KANK1: variants seen among roughly 807,000 people sequenced by gnomAD.
The protein encoded by KANK1 is KN motif and ankyrin repeat domains 1, also known as KN motif and ankyrin repeat domain-containing protein 1.
Under a neutral mutation model 106.2 loss-of-function variants are expected in KANK1, and 109 were observed. That is an observed-to-expected ratio of 1.03 (90% CI 0.88 to 1.20). The LOEUF is 1.20. KANK1 is among the 50% of genes most tolerant of loss of function. KANK1 has a pLI of 0.00. For missense variants in KANK1, 2,399 were observed against 1,710.7 expected (o/e 1.40, Z -7.10); for synonymous variants, 873 against 652.2 (o/e 1.34, Z -5.16).
At chr9:678,750 T>C (rs1816904303) in intron 2 of KANK1, among the ~76,000 whole-genome samples, 1 of 152,036 alleles carries the variant, frequency 6.6e-6, no homozygotes, top group African/African-American at 2.4e-5. Flanking sequence ...ATCAGAATTA[T>C]GATGACTTTC....
Position 712,856 on chromosome 9 carries a change from A to G in KANK1, c.2090A>G (p.Asn697Ser), listed in dbSNP as rs146907657. The G allele has an allele frequency of 1.7e-4, 282 of 1,613,832 alleles. No homozygotes were observed. Among genetic ancestry groups the G allele is most frequent in the African/African-American group, 1.5e-3 (112 of 74,934 alleles). Residue 697 changes from asparagine to serine, a missense_variant, in exon 3 of 12, where the codon AAC becomes AGC. Coordinates refer to ENST00000382297, the MANE Select transcript of KANK1 (RefSeq NM_015158.5). ...ETATLIESCT[N>S]TCLSTLDKQT... ...GCCACCCTCATAGAGTCCTGCACCAACACTTGTCTAAGCACTTTGGACAAG... is the reference window on the plus strand; with the variant it reads ...GCCACCCTCATAGAGTCCTGCACCAGCACTTGTCTAAGCACTTTGGACAAG...
chr9:497,891 AAAG>A (rs1193148665), intron 3 of KANK1, among the ~76,000 whole-genome samples: 1 of 152,116 alleles, frequency 6.6e-6, no homozygotes, highest in East Asian at 1.9e-4. Context: ...ACAAGAGTAT[AAAG>A]AAGAAAATTA....
Position 639,099 on chromosome 9 carries a change from T to TC in KANK1, c.-83-37785dup, listed in dbSNP as rs535659579. 3.9e-4 allele frequency among the ~76,000 whole-genome samples: 60 copies of TC among 152,194 alleles called. No individual in the cohort carries two copies. The East Asian group carries it at 8.5e-3, about 22-fold the overall frequency. The stretch of plus-strand genomic sequence containing the variant: ...ATAAAAACACTCTTAGGACATGCTT[T>TC]CCCCCCACACATCTGATTGCTGAAC... On this transcript the variant is annotated intron_variant, in intron 1 of 11. Transcript: ENST00000382297.
intron 2 of KANK1, chr9:684,046 T>G (rs1588889996): frequency 2.3e-6 from 1 of 439,324 alleles, no homozygotes; most frequent in East Asian, 1.7e-4. Context: ...GTGTGGTTAA[T>G]CAGAACCTCA....
intron 1 of KANK1, among the ~76,000 whole-genome samples, chr9:529,234 T>TACAC (rs5895851): frequency 0.013 from 2,003 of 148,764 alleles, 62 homozygotes; most frequent in Admixed American, 0.064. Context: ...TATATATATA[T>TACAC]ACACACACAC....
Position 745,209 on chromosome 9 carries a change from C to G in KANK1, c.4033C>G (p.Pro1345Ala). 1 of 1,614,046 alleles carries G rather than the reference C, an allele frequency of 6.2e-7. No homozygotes were observed. The highest frequency in any genetic ancestry group is 1.1e-5 in the South Asian group (1 of 91,074). Residue 1345 changes from proline (P) to alanine (A), a missense_variant, in exon 12 of 12, where the codon CCC becomes GCC. Transcript: ENST00000382297. ...GCTTGGAAGGAAGACGTCTCCTGGC[C>G]CCACCCACCGAGGTTCATTTGATTG... ...PRLGRKTSPG[P>A]THRGSFD
chr9:565,055 A>AG (rs1491145184), intron 1 of KANK1, among the ~76,000 whole-genome samples: 1 of 152,214 alleles, frequency 6.6e-6, no homozygotes, highest in Non-Finnish European at 1.5e-5. Flanking sequence ...TGGGTAGAGA[A>AG]GAGAGACCAA....
chr9:485,625 C>T (rs1464782013), intron 3 of KANK1, among the ~76,000 whole-genome samples: 1 of 152,146 alleles, frequency 6.6e-6, no homozygotes, highest in African/African-American at 2.4e-5. Context: ...GTAATCCCAA[C>T]ACTTTGAGAG....
chr9:489,275 T>C (rs1185066741), intron 3 of KANK1, among the ~76,000 whole-genome samples: 1 of 152,154 alleles, frequency 6.6e-6, no homozygotes, highest in African/African-American at 2.4e-5. Context: ...GAAAGGCCTT[T>C]CTGATCGTTT....
chr9:707,235 C>T, intron 2 of KANK1: 4 of 986,050 alleles, frequency 4.1e-6, no homozygotes, highest in Non-Finnish European at 4.8e-6. Flanking sequence ...GGGAGCGCGG[C>T]GGGCGCCACG....
At chr9:719,560 G>C (rs1589169116) in intron 3 of KANK1, among the ~76,000 whole-genome samples, 1 of 152,130 alleles carries the variant, frequency 6.6e-6, no homozygotes, top group South Asian at 2.1e-4. Context: ...AGAACAGTTG[G>C]AATAGGTGAA....
chr9:521,720 A>G (rs191823730), intron 1 of KANK1, among the ~76,000 whole-genome samples: 93 of 151,242 alleles, frequency 6.1e-4, no homozygotes, highest in Non-Finnish European at 1.3e-3. Context: ...GGTGTGCGCC[A>G]CCACGCGTGG....
chr9:633,579 G>C (rs1432480240), intron 1 of KANK1, among the ~76,000 whole-genome samples: 3 of 152,180 alleles, frequency 2.0e-5, no homozygotes, highest in African/African-American at 7.2e-5. Context: ...ATTGTATCCA[G>C]ATTCCTGAAC....
intron 1 of KANK1, among the ~76,000 whole-genome samples, chr9:636,046 A>T (rs1295743564): frequency 6.6e-6 from 1 of 151,960 alleles, no homozygotes; most frequent in African/African-American, 2.4e-5. Context: ...TCATAGTTTT[A>T]CTGTTTTTCT....
chr9:508,412 C>A (rs1207892474), intron 1 of KANK1, among the ~76,000 whole-genome samples: 1 of 152,212 alleles, frequency 6.6e-6, no homozygotes, highest in Non-Finnish European at 1.5e-5. Flanking sequence ...GCTGGCATTA[C>A]AGGCGTGAGC....
chr9:561,610 C>G (rs979902649), intron 1 of KANK1, among the ~76,000 whole-genome samples: 1 of 152,208 alleles, frequency 6.6e-6, no homozygotes, highest in African/African-American at 2.4e-5. Context: ...TATTGCCAAA[C>G]TGCTTCTTAC....
chr9:681,799 A>G (rs915221911), intron 2 of KANK1, among the ~76,000 whole-genome samples: 2 of 152,178 alleles, frequency 1.3e-5, no homozygotes, highest in Non-Finnish European at 2.9e-5. Context: ...GTTAAATGAC[A>G]TAAATGGATG....
intron 1 of KANK1, among the ~76,000 whole-genome samples, chr9:626,642 C>G (rs1834415068): frequency 6.6e-6 from 1 of 152,146 alleles, no homozygotes. Context: ...CCTATTTGGC[C>G]TCAAATTTCT....
chr9:638,771 C>A (rs1425692760), intron 1 of KANK1, among the ~76,000 whole-genome samples: 1 of 152,138 alleles, frequency 6.6e-6, no homozygotes, highest in South Asian at 2.1e-4. Flanking sequence ...TCCTCTGATT[C>A]TCCATCAGCG....
Sources: gnomAD v4.1 joint callset for allele counts (sites outside exome capture counted in the v4.1 genomes callset) on GRCh38, gnomAD v4.1.1 for gene constraint, MANE v1.5 for transcripts, NCBI Gene and HGNC (gene_info 2026-07-23, HGNC 2026-07-21) for gene names.